The following CCDC181 variants were observed in gnomAD, a reference collection of about 807,000 sequenced individuals.
The protein encoded by CCDC181 is coiled-coil domain containing 181, also known as coiled-coil domain-containing protein 181.
Under a neutral mutation model 58.7 loss-of-function variants are expected in CCDC181, and 35 were observed. The ratio of observed to expected loss-of-function variants is 0.60; its 90% CI spans 0.46 to 0.79. CCDC181 has a LOEUF of 0.79. Ranked by LOEUF, CCDC181 falls within the 30% of genes least tolerant of loss-of-function variation. The pLI is 0.00. For missense variants in CCDC181, 517 were observed against 583.9 expected (o/e 0.89, Z 1.18); for synonymous variants, 183 against 197.5 (o/e 0.93, Z 0.62).
At chr1:169,406,882 G>A (rs1037431469) in intron 4 of CCDC181, among the ~76,000 whole-genome samples, 6 of 151,736 alleles carry the variant, frequency 4.0e-5, no homozygotes, top group African/African-American at 1.5e-4. Flanking sequence ...GCTTAACAGT[G>A]GAATGAACAT....
chr1:169,457,326 C>T (rs1422646086), intron 2 of CCDC181, among the ~76,000 whole-genome samples: 1 of 152,018 alleles, frequency 6.6e-6, no homozygotes. Flanking sequence ...TATTGCTTCT[C>T]CTCCATTCTA....
At chr1:169,412,044 G>C (rs1328804410) in intron 4 of CCDC181, among the ~76,000 whole-genome samples, 2 of 152,216 alleles carry the variant, frequency 1.3e-5, no homozygotes, top group African/African-American at 4.8e-5. Flanking sequence ...TCAGGCAAGA[G>C]AAAGAAATAC....
chr1:169,455,457 A>G (rs1239726283), intron 2 of CCDC181, among the ~76,000 whole-genome samples: 1 of 152,128 alleles, frequency 6.6e-6, no homozygotes, highest in Non-Finnish European at 1.5e-5. Flanking sequence ...ACTAATTAAC[A>G]ATTTAGTATC....
At chr1:169,397,536 C>G in intron 4 of CCDC181, 145 bp from the exon 5 acceptor site, 1 of 633,898 alleles carries the variant, frequency 1.6e-6, no homozygotes, top group Non-Finnish European at 2.5e-6. Flanking sequence ...TCCTAGTATC[C>G]AAACCAAATA....
upstream of CCDC181, among the ~76,000 whole-genome samples, chr1:169,429,819 T>G (rs140002574): frequency 2.0e-3 from 298 of 152,302 alleles, 1 homozygote; most frequent in African/African-American, 6.2e-3. Flanking sequence ...TTAAGTCCCA[T>G]CTACTTACCT....
chr1:169,403,316 T>G (rs913755525), intron 4 of CCDC181, among the ~76,000 whole-genome samples: 1 of 152,208 alleles, frequency 6.6e-6, no homozygotes, highest in Admixed American at 6.5e-5. Context: ...GCGGACCTAA[T>G]AGACATCTAC....
chr1:169,406,358 T>C (rs1225819361), intron 4 of CCDC181, among the ~76,000 whole-genome samples: 1 of 152,216 alleles, frequency 6.6e-6, no homozygotes, highest in East Asian at 1.9e-4. Flanking sequence ...ATATGTTTAT[T>C]GCAGCACTAT....
At chr1:169,418,132 C>G (rs977861260) in intron 4 of CCDC181, among the ~76,000 whole-genome samples, 2 of 152,104 alleles carry the variant, frequency 1.3e-5, no homozygotes, top group African/African-American at 4.8e-5. Context: ...CACTCTAAGC[C>G]TTCAAACATT....
chr1:169,457,364 ATCT>A (rs1657702557), intron 2 of CCDC181, among the ~76,000 whole-genome samples: 1 of 152,046 alleles, frequency 6.6e-6, no homozygotes, highest in Non-Finnish European at 1.5e-5. Flanking sequence ...AGGCTATAAG[ATCT>A]TCTCATTCTG....
chr1:169,457,499 T>G (rs1438575525), intron 2 of CCDC181, among the ~76,000 whole-genome samples: 1 of 152,178 alleles, frequency 6.6e-6, no homozygotes, highest in South Asian at 2.1e-4. Flanking sequence ...AGAAAAATGA[T>G]GTACTGTATA....
At chr1:169,407,356 A>G (rs1655721307) in intron 4 of CCDC181, among the ~76,000 whole-genome samples, 1 of 152,158 alleles carries the variant, frequency 6.6e-6, no homozygotes, top group African/African-American at 2.4e-5. Flanking sequence ...CAGGGGAAAA[A>G]TACCTGTCAG....
Position 169,422,146 on chromosome 1 carries a change from T to A in CCDC181, c.285A>T (p.Ile95=), listed in dbSNP as rs1442919134. Residue 95 remains isoleucine, a synonymous_variant, in exon 3 of 6, where the codon ATA becomes ATT. Transcript: ENST00000367806. ...AAGAGTTTTCACTATCTGAATCTGA[T>A]ATGGGATCCAAAGGTTGAATACCTG... ...SVPGIQPLDP[I]SDSDSENSFQ... 1 of 1,613,724 alleles carries A rather than the reference T, an allele frequency of 6.2e-7. No homozygotes were observed. The highest frequency in any genetic ancestry group is 1.7e-5 in the Admixed American group (1 of 59,908).
At chr1:169,398,766 T>G (rs368552540) in intron 4 of CCDC181, among the ~76,000 whole-genome samples, 2 of 152,344 alleles carry the variant, frequency 1.3e-5, no homozygotes, top group East Asian at 3.9e-4. Flanking sequence ...AAAGTTCTAT[T>G]GGACAGTGTT....
intron 2 of CCDC181, among the ~76,000 whole-genome samples, chr1:169,424,148 C>G (rs911391857): frequency 2.0e-5 from 3 of 151,676 alleles, no homozygotes; most frequent in Non-Finnish European, 4.4e-5. Context: ...ATATGTTTTA[C>G]AGAAATACAT....
intron 4 of CCDC181, among the ~76,000 whole-genome samples, chr1:169,404,678 T>A (rs1655550211): frequency 6.6e-6 from 1 of 152,182 alleles, no homozygotes; most frequent in Admixed American, 6.5e-5. Flanking sequence ...ATGAGAGCTA[T>A]TTATGAGAAA....
At chr1:169,412,965 C>A (rs1224351652) in intron 4 of CCDC181, among the ~76,000 whole-genome samples, 2 of 152,120 alleles carry the variant, frequency 1.3e-5, no homozygotes, top group Admixed American at 1.3e-4. Flanking sequence ...CAGGCATGGG[C>A]AAAGACTTTA....
chr1:169,428,680 G>C (rs922541836), upstream of CCDC181, among the ~76,000 whole-genome samples: 1 of 152,094 alleles, frequency 6.6e-6, no homozygotes, highest in Non-Finnish European at 1.5e-5. Context: ...TTTTGAGACA[G>C]AGTCTCGCTC....
rs759847497 is a variant in CCDC181 at position 169,397,341 on chromosome 1, C to G, written c.1266G>C (p.Lys422Asn). ...QQAFRLWLKK[K>N]HEEQMKERQT... ...GTCTTTCTTTCATCTGCTCTTCGTG[C>G]TTTTTTTTAAGCCATAATCGAAAAG... The change falls in exon 5 of 6, where the codon AAG (lysine) becomes AAC (asparagine). Residue 422 changes from lysine to asparagine, a missense_variant. Lys to Asn is a moderately conservative substitution (Grantham distance 94). Coordinates refer to ENST00000367806, the MANE Select transcript of CCDC181 (RefSeq NM_001300969.2). 2.5e-6 allele frequency: 4 copies of G among 1,608,936 alleles called. No homozygotes were observed. The highest frequency in any genetic ancestry group is 2.5e-6 in the Non-Finnish European group (3 of 1,177,572).
chr1:169,453,447 C>G (rs991519719), intron 2 of CCDC181, among the ~76,000 whole-genome samples: 1 of 152,064 alleles, frequency 6.6e-6, no homozygotes, highest in Non-Finnish European at 1.5e-5. Flanking sequence ...ACAACCCTTT[C>G]CTAGTCTAAT....
Sources: allele counts gnomAD v4.1 joint callset (sites outside exome capture counted in the v4.1 genomes callset), GRCh38; gene constraint gnomAD v4.1.1; transcripts MANE v1.5; gene names NCBI Gene and HGNC (gene_info 2026-07-23, HGNC 2026-07-21).